SUPT3H: variants seen among roughly 807,000 people sequenced by gnomAD.
SUPT3H encodes transcription initiation protein SPT3 homolog.
SUPT3H carries 44 observed loss-of-function variants against 44.3 expected under a neutral mutation model. The ratio of observed to expected loss-of-function variants is 0.99; its 90% CI spans 0.78 to 1.28. The LOEUF is 1.28. Ranked by LOEUF, SUPT3H falls within the 50% of genes most tolerant of loss-of-function variation. The pLI is 0.00. For missense variants in SUPT3H, 380 were observed against 387.1 expected, an observed-to-expected ratio of 0.98 and a Z score of 0.15; for synonymous variants, 124 against 125.6, an observed-to-expected ratio of 0.99 and a Z score of 0.09.
intron 2 of SUPT3H, among the ~76,000 whole-genome samples, chr6:45,157,496 T>C (rs773788712): frequency 1.3e-5 from 2 of 151,606 alleles, no homozygotes; most frequent in African/African-American, 2.4e-5. Context: ...AGAAACCACA[T>C]ACATATATGT....
intron 3 of SUPT3H, among the ~76,000 whole-genome samples, chr6:45,043,005 C>T (rs867622837): frequency 6.6e-6 from 1 of 151,994 alleles, no homozygotes; most frequent in East Asian, 1.9e-4. Flanking sequence ...TTTTACAAAA[C>T]GGCAGTGTCC....
chr6:45,276,659 T>C (rs1275627838), intron 2 of SUPT3H, among the ~76,000 whole-genome samples: 1 of 152,234 alleles, frequency 6.6e-6, no homozygotes, highest in African/African-American at 2.4e-5. Context: ...CTTTAAAATG[T>C]ATTGCATTTT....
At chr6:45,273,295 C>T (rs1049229494) in intron 2 of SUPT3H, among the ~76,000 whole-genome samples, 2 of 152,152 alleles carry the variant, frequency 1.3e-5, no homozygotes, top group Non-Finnish European at 2.9e-5. Flanking sequence ...CACAGCATCG[C>T]CTCATCCCTT....
intron 3 of SUPT3H, among the ~76,000 whole-genome samples, chr6:45,062,321 C>A (rs1792239859): frequency 6.6e-6 from 1 of 152,120 alleles, no homozygotes; most frequent in Admixed American, 6.6e-5. Flanking sequence ...TTCTAGTTTT[C>A]AAGGCATAAA....
intron 2 of SUPT3H, among the ~76,000 whole-genome samples, chr6:45,158,298 A>ATATATATATATATATATATATAATTTTT: frequency 4.0e-5 from 4 of 99,688 alleles, no homozygotes; most frequent in Admixed American, 1.3e-4. Context: ...ATATATATAT[A>ATATATATATATATATATATATAATTTTT]TTTTTTTTTT....
intron 2 of SUPT3H, among the ~76,000 whole-genome samples, chr6:45,283,284 C>G (rs1267454913): frequency 1.3e-5 from 2 of 152,058 alleles, no homozygotes; most frequent in Admixed American, 6.6e-5. Context: ...AAAAGACACA[C>G]ACTGCCAAAC....
intron 3 of SUPT3H, among the ~76,000 whole-genome samples, chr6:45,067,360 C>G (rs1195782009): frequency 7.9e-6 from 1 of 126,110 alleles, no homozygotes; most frequent in Non-Finnish European, 1.8e-5. Context: ...CATAAAAACC[C>G]TAGAAGAAAA....
At position 44,820,236 on chromosome 6, in the gene SUPT3H, C is replaced by T. The variant is rs72864147; in HGVS notation, c.*52+9528G>A. On this transcript the variant is annotated intron_variant and NMD_transcript_variant, in intron 11 of 11. Transcript: ENST00000475057. ...CCCATCTCAAAAAGAAAAAAAGATA[C>T]ATCAAATAAAATTTGACATAATATT... Among the ~76,000 whole-genome samples, 986 of 152,188 alleles carry T rather than the reference C, an allele frequency of 6.5e-3. 4 individuals carry two copies. Among genetic ancestry groups the T allele is most frequent in the South Asian group, 0.022 (105 of 4,826 alleles).
At chr6:45,128,557 T>TATATATATATACAC (rs1280920129) in intron 2 of SUPT3H, among the ~76,000 whole-genome samples, 1 of 56,744 alleles carries the variant, frequency 1.8e-5, no homozygotes, top group South Asian at 6.3e-4. Context: ...TATATATATA[T>TATATATATATACAC]ACACACACAC....
intron 3 of SUPT3H, among the ~76,000 whole-genome samples, chr6:45,053,740 CA>C (rs57736879): frequency 0.46 from 27,245 of 59,740 alleles, 3,878 homozygotes; most frequent in African/African-American, 0.53. Context: ...ACTAAAAATA[CA>C]AAAAAAAAAA....
chr6:44,888,352 T>A (rs536561985), intron 10 of SUPT3H, among the ~76,000 whole-genome samples: 1 of 152,218 alleles, frequency 6.6e-6, no homozygotes, highest in South Asian at 2.1e-4. Flanking sequence ...TGAACATTGA[T>A]GCAAAAATCC....
At chr6:44,900,559 G>A (rs945587840) in intron 10 of SUPT3H, among the ~76,000 whole-genome samples, 2 of 152,212 alleles carry the variant, frequency 1.3e-5, no homozygotes, top group African/African-American at 4.8e-5. Context: ...CACAACTCAA[G>A]GAGGCCTGCC....
intron 2 of SUPT3H, among the ~76,000 whole-genome samples, chr6:45,248,862 C>A (rs1202935185): frequency 6.7e-6 from 1 of 150,134 alleles, no homozygotes; most frequent in African/African-American, 2.5e-5. Context: ...TTGCAGTGAG[C>A]TGAAATCACG....
At chr6:45,356,607 G>A (rs12211923) in intron 2 of SUPT3H, among the ~76,000 whole-genome samples, 33,129 of 151,806 alleles carry the variant, frequency 0.22, 4,419 homozygotes, top group Non-Finnish European at 0.31. Flanking sequence ...CACCATGGTG[G>A]CCAGGCTGGT....
chr6:45,026,570 A>C (rs1426415715), intron 3 of SUPT3H, among the ~76,000 whole-genome samples: 1 of 152,164 alleles, frequency 6.6e-6, no homozygotes, highest in African/African-American at 2.4e-5. Context: ...TAAAAGTCAA[A>C]TAATACTATA....
intron 3 of SUPT3H, among the ~76,000 whole-genome samples, chr6:45,030,554 C>T (rs1453450088): frequency 6.6e-6 from 1 of 152,024 alleles, no homozygotes; most frequent in Non-Finnish European, 1.5e-5. Flanking sequence ...TTCATTTCAC[C>T]CTAGAATGTT....
intron 2 of SUPT3H, among the ~76,000 whole-genome samples, chr6:45,358,748 C>T (rs116715972): frequency 6.6e-6 from 1 of 152,084 alleles, no homozygotes; most frequent in African/African-American, 2.4e-5. Context: ...TAATACTGTA[C>T]ATAAATCACA....
Position 44,826,751 on chromosome 6 carries a change from GTTATGT to G in SUPT3H, c.*3059_*3064del, listed in dbSNP as rs1445966100. Among the ~76,000 whole-genome samples the G allele has an allele frequency of 1.8e-4, 28 of 152,222 alleles. No individual in the cohort carries two copies. The highest frequency in any genetic ancestry group is 6.5e-4 in the African/African-American group (27 of 41,536). ...TTTTCTTTCAGACCAAGAATCACCA[GTTATGT>G]TTATTTGTCTTCTACATGGTAAAAG... On this transcript the variant is annotated 3_prime_UTR_variant, in exon 11 of 11. Transcript: ENST00000371459.
intron 2 of SUPT3H, among the ~76,000 whole-genome samples, chr6:45,299,943 A>T (rs1242155224): frequency 6.9e-6 from 1 of 145,250 alleles, no homozygotes; most frequent in Non-Finnish European, 1.5e-5. Context: ...CGTATTATAT[A>T]TGTGAATATA....
Sources: gnomAD v4.1 joint callset for allele counts (sites outside exome capture counted in the v4.1 genomes callset) on GRCh38, gnomAD v4.1.1 for gene constraint, MANE v1.5 for transcripts, NCBI Gene and HGNC (gene_info 2026-07-23, HGNC 2026-07-21) for gene names.